Variants in MET observed in about 807,000 individuals in gnomAD.
MET encodes the protein MET proto-oncogene, receptor tyrosine kinase, also known as hepatocyte growth factor receptor.
MET carries 48 observed loss-of-function variants against 133.1 expected under a neutral mutation model. The ratio of observed to expected loss-of-function variants is 0.36; its 90% CI spans 0.29 to 0.46. The LOEUF (loss-of-function observed/expected upper bound fraction) is 0.46, where lower values mean the gene tolerates loss of function less well. Among genes scored for constraint, MET ranks in the 20% least tolerant of loss-of-function variants. The probability of loss-of-function intolerance (pLI) is 1.00; values close to 1 mark genes in which losing one functional copy is unlikely to be tolerated. For missense variants in MET, 1,442 were observed against 1,695.9 expected, an observed-to-expected ratio of 0.85 and a Z score of 2.63; for synonymous variants, 628 against 616.5, an observed-to-expected ratio of 1.02 and a Z score of -0.28.
intron 5 of MET, among the ~76,000 whole-genome samples, chr7:116,748,812 A>C (rs6949201): frequency 0.054 from 8,286 of 152,314 alleles, 313 homozygotes; most frequent in East Asian, 0.11. Flanking sequence ...CTACCATCAG[A>C]GAATACTATA....
At chr7:116,713,974 T>C (rs145219972) in intron 2 of MET, among the ~76,000 whole-genome samples, 1 of 152,330 alleles carries the variant, frequency 6.6e-6, no homozygotes, top group African/African-American at 2.4e-5. Context: ...TGAAAATCTC[T>C]TATACTTCTA....
chr7:116,741,377 G>A (rs1463831768), intron 5 of MET, among the ~76,000 whole-genome samples: 1 of 152,116 alleles, frequency 6.6e-6, no homozygotes, highest in African/African-American at 2.4e-5. Context: ...TTCTCACACT[G>A]GGGCCTGTTC....
intron 5 of MET, among the ~76,000 whole-genome samples, chr7:116,743,452 G>T (rs766835086): frequency 1.3e-5 from 2 of 152,190 alleles, no homozygotes; most frequent in Non-Finnish European, 2.9e-5. Context: ...CACCCCTACA[G>T]AACCCAGCAA....
At chr7:116,727,694 G>A (rs1792848578) in intron 2 of MET, among the ~76,000 whole-genome samples, 1 of 152,118 alleles carries the variant, frequency 6.6e-6, no homozygotes. Flanking sequence ...GTAGCAAGGG[G>A]ACCCCTGACA....
intron 5 of MET, among the ~76,000 whole-genome samples, chr7:116,754,822 G>C (rs1234649278): frequency 7.7e-6 from 1 of 130,020 alleles, no homozygotes. Context: ...GTCTGAAAAA[G>C]AAAAGAAAAG....
chr7:116,679,750 G>A (rs75261998), intron 1 of MET, among the ~76,000 whole-genome samples: 6,927 of 152,160 alleles, frequency 0.046, 528 homozygotes, highest in African/African-American at 0.16. Flanking sequence ...CTATTGTGTC[G>A]GGGGAAAACA....
chr7:116,728,752 C>T (rs946979783), intron 2 of MET, among the ~76,000 whole-genome samples: 1 of 152,166 alleles, frequency 6.6e-6, no homozygotes, highest in African/African-American at 2.4e-5. Flanking sequence ...GATGATAAGA[C>T]AATTCCTGTC....
At chr7:116,788,739 T>G (rs150989423) in intron 19 of MET, among the ~76,000 whole-genome samples, 1 of 152,222 alleles carries the variant, frequency 6.6e-6, no homozygotes, top group Non-Finnish European at 1.5e-5. Context: ...CAATCTTGAA[T>G]GTTGACATGG....
Position 116,757,754 on chromosome 7 carries a change from A to G in MET, c.2082A>G (p.Gly694=), listed in dbSNP as rs1156480798. The G allele has an allele frequency of 1.2e-6, 2 of 1,613,950 alleles. No homozygotes were observed. The highest frequency in any genetic ancestry group is 2.2e-5 in the South Asian group (2 of 91,062). Residue 694 remains glycine, a synonymous_variant, in exon 8 of 21, where the codon GGA becomes GGG. Transcript: ENST00000397752. ...ATTCTAGACACATTTCAATTGGTGG[A>G]AAAACATGTACTTTAAAAAGGTGTT... The part of the protein sequence containing the change: ...SGNSRHISIG[G]KTCTLKSVSN...
chr7:116,685,325 T>TTAA (rs1447409236), intron 1 of MET, among the ~76,000 whole-genome samples: 1 of 152,162 alleles, frequency 6.6e-6, no homozygotes, highest in Non-Finnish European at 1.5e-5. Flanking sequence ...ACCTTTCTCC[T>TTAA]TAACCCCGGG....
rs2116908413 is a variant in MET, at chr7:116,755,346, T to A, written c.1702-9T>A. ...GGGTTTTTTTAAAAGTTCTATGTTG[T>A]CCTTGTAGGTTTTCCCAAATAGTGC... is the stretch of plus-strand genomic sequence containing the variant. On this transcript the variant is annotated splice_polypyrimidine_tract_variant and intron_variant, in intron 5 of 20. Transcript: ENST00000397752. The A allele has an allele frequency of 6.2e-7, 1 of 1,613,982 alleles. No homozygotes were observed. The highest frequency in any genetic ancestry group is 8.5e-7 in the Non-Finnish European group (1 of 1,179,902).
chr7:116,788,585 C>G (rs999107986), intron 19 of MET, among the ~76,000 whole-genome samples: 3 of 152,188 alleles, frequency 2.0e-5, no homozygotes, highest in Non-Finnish European at 4.4e-5. Context: ...TAGGATGGTG[C>G]TATTTCTTTC....
intron 1 of MET, among the ~76,000 whole-genome samples, chr7:116,688,218 G>A (rs951910998): frequency 1.3e-5 from 2 of 151,956 alleles, no homozygotes; most frequent in African/African-American, 2.4e-5. Context: ...AACTGGCAAA[G>A]GTTGATTGCC....
At chr7:116,689,775 G>A (rs1194851948) in intron 1 of MET, among the ~76,000 whole-genome samples, 1 of 151,962 alleles carries the variant, frequency 6.6e-6, no homozygotes, top group African/African-American at 2.4e-5. Flanking sequence ...GCCCAGGCTG[G>A]TCTCAAACTC....
intron 2 of MET, among the ~76,000 whole-genome samples, chr7:116,731,404 C>T (rs535331027): frequency 6.6e-6 from 1 of 152,310 alleles, no homozygotes; most frequent in South Asian, 2.1e-4. Context: ...ATAATAGCAG[C>T]AGCTAAGTTC....
Position 116,796,256 on chromosome 7 carries a change from A to G in MET, c.*132A>G. Reference sequence around the variant, plus strand: ...ATTATAGGACTTGTATTGTTATTTAAATTACTGGATTCTAAGGAATTTCTT... The same window carrying G: ...ATTATAGGACTTGTATTGTTATTTAGATTACTGGATTCTAAGGAATTTCTT... On this transcript the variant is annotated 3_prime_UTR_variant, in exon 21 of 21. Transcript: ENST00000397752. 1.2e-6 allele frequency: 1 copy of G among 849,366 alleles called. No homozygotes were observed. Among genetic ancestry groups the G allele is most frequent in the Non-Finnish European group, 2.0e-6 (1 of 509,548 alleles). The allele number at this position is 849,366 out of a possible 1,614,324, so 52.6% of individuals were successfully genotyped here. A position where few individuals can be genotyped will look rare whatever the true frequency, so the allele number is the denominator to read the frequency against.
intron 1 of MET, among the ~76,000 whole-genome samples, chr7:116,687,968 T>C (rs1245417180): frequency 1.3e-5 from 2 of 152,238 alleles, no homozygotes; most frequent in African/African-American, 4.8e-5. Flanking sequence ...AGCCATTTGA[T>C]ATCTGCTTTC....
At chr7:116,767,829 T>C (rs10262620) in intron 11 of MET, among the ~76,000 whole-genome samples, 4,715 of 150,988 alleles carry the variant, frequency 0.031, 241 homozygotes, top group African/African-American at 0.11. Flanking sequence ...CTATGTTTAC[T>C]TTCTTTTATT....
At position 116,767,974 on chromosome 7, in the gene MET, A is replaced by ATATGTG. The variant is rs1554397514; in HGVS notation, c.2584-1670_2584-1669insATGTGT. Among the ~76,000 whole-genome samples the ATATGTG allele has an allele frequency of 3.6e-3, 508 of 140,226 alleles. 5 individuals carry two copies. The highest frequency in any genetic ancestry group is 9.4e-3 in the African/African-American group (354 of 37,562). 92.0% of individuals were successfully genotyped at this position (140,226 alleles called of 152,430 possible). A position where few individuals can be genotyped will look rare whatever the true frequency, so the allele number is the denominator to read the frequency against. Reference sequence around the variant, plus strand: ...GCTTCTAATATGCATATATATATATATGTGTGTGTGTGTGTGTGTGTGTGT... The same window carrying ATATGTG: ...GCTTCTAATATGCATATATATATATATATGTGTGTGTGTGTGTGTGTGTGTGTGTGT... On this transcript the variant is annotated intron_variant, in intron 11 of 20. Transcript: ENST00000397752.
Sources: allele counts gnomAD v4.1 joint callset (sites outside exome capture counted in the v4.1 genomes callset), GRCh38; gene constraint gnomAD v4.1.1; transcripts MANE v1.5; gene names NCBI Gene and HGNC (gene_info 2026-07-23, HGNC 2026-07-21).